The following EXD3 variants were observed in gnomAD, a reference collection of about 807,000 sequenced individuals.
EXD3 encodes exonuclease mut-7 homolog.
EXD3 carries 92 observed loss-of-function variants against 98.0 expected under a neutral mutation model. The ratio of observed to expected loss-of-function variants is 0.94; its 90% CI spans 0.79 to 1.12. EXD3 has a LOEUF of 1.12. Ranked by LOEUF, EXD3 falls within the 50% of genes most tolerant of loss-of-function variation. The pLI is 0.00. For missense variants in EXD3, 1,222 were observed against 1,191.6 expected, an observed-to-expected ratio of 1.03 and a Z score of -0.38; for synonymous variants, 569 against 526.0, an observed-to-expected ratio of 1.08 and a Z score of -1.12.
In EXD3 at chr9:137,338,326, T is replaced by C. The variant is rs1833469940; in HGVS notation, c.1998+9745A>G. 2.0e-5 allele frequency among the ~76,000 whole-genome samples: 3 copies of C among 152,296 alleles called. No individual in the cohort carries two copies. In the South Asian group the frequency reaches 6.2e-4, roughly 32 times the overall value. Reference sequence around the variant, plus strand: ...AGCAATCATAATTGATATTCAAACGTTGTTAGAACTAAAAACAATGAAAAC... The same window carrying C: ...AGCAATCATAATTGATATTCAAACGCTGTTAGAACTAAAAACAATGAAAAC... On this transcript the variant is annotated intron_variant, in intron 17 of 21. Coordinates refer to ENST00000340951, the MANE Select transcript of EXD3 (RefSeq NM_017820.5).
At chr9:137,397,574 G>A (rs932478324) in intron 1 of EXD3, among the ~76,000 whole-genome samples, 1 of 152,122 alleles carries the variant, frequency 6.6e-6, no homozygotes, top group East Asian at 1.9e-4. Flanking sequence ...AAAAAACAGA[G>A]AACAGAAAGC....
At chr9:137,355,850 T>C (rs1282574477) in intron 8 of EXD3, among the ~76,000 whole-genome samples, 1 of 152,154 alleles carries the variant, frequency 6.6e-6, no homozygotes, top group Admixed American at 6.6e-5. Context: ...TCCCGGCCCT[T>C]GCAGGGGGTC....
intron 1 of EXD3, among the ~76,000 whole-genome samples, chr9:137,416,910 C>CG (rs1838256851): frequency 6.6e-6 from 1 of 152,192 alleles, no homozygotes; most frequent in East Asian, 1.9e-4. Flanking sequence ...GATGACGGTG[C>CG]GGCCGTCAGG....
chr9:137,366,214 G>A, intron 7 of EXD3: 1 of 702,822 alleles, frequency 1.4e-6, no homozygotes, highest in Non-Finnish European at 2.6e-6. Context: ...CGGTTGCCAT[G>A]CCTGCATGAG....
At chr9:137,352,243 C>G in intron 11 of EXD3, 42 bp from the exon 12 acceptor site, 1 of 1,610,378 alleles carries the variant, frequency 6.2e-7, no homozygotes, top group South Asian at 1.1e-5. Flanking sequence ...GTCCCTGGTC[C>G]CCCACCCACT....
intron 19 of EXD3, among the ~76,000 whole-genome samples, chr9:137,318,815 C>G (rs1831858777): frequency 6.6e-6 from 1 of 152,206 alleles, no homozygotes; most frequent in Admixed American, 6.5e-5. Flanking sequence ...CGCCTGGGGT[C>G]TCTGCTGAGT....
At chr9:137,408,035 C>G (rs1003958554) in intron 1 of EXD3, among the ~76,000 whole-genome samples, 8 of 152,156 alleles carry the variant, frequency 5.3e-5, no homozygotes, top group Non-Finnish European at 1.0e-4. Context: ...CTGTGGTCTC[C>G]CAGCCTCAGG....
intron 17 of EXD3, among the ~76,000 whole-genome samples, chr9:137,328,680 G>C: frequency 1.5e-5 from 1 of 64,776 alleles, no homozygotes; most frequent in Non-Finnish European, 2.8e-5. Flanking sequence ...GACTACACGG[G>C]GCTACACGGG....
At chr9:137,309,553 A>C in intron 20 of EXD3, 54 bp downstream of exon 20, 2 of 1,416,226 alleles carry the variant, frequency 1.4e-6, no homozygotes, top group Non-Finnish European at 1.9e-6. Flanking sequence ...CTACCTCAGT[A>C]GGTCGACCCA....
chr9:137,350,982 A>G (rs1276986539), intron 14 of EXD3, 56 bp downstream of exon 14: 2 of 1,471,114 alleles, frequency 1.4e-6, no homozygotes, highest in African/African-American at 1.4e-5. Flanking sequence ...GGCCCCAAGC[A>G]GCCCTCGAAC....
At chr9:137,352,315 G>A in intron 11 of EXD3, 114 bp from the exon 12 acceptor site, 2 of 1,429,592 alleles carry the variant, frequency 1.4e-6, no homozygotes, top group Non-Finnish European at 9.6e-7. Flanking sequence ...TCAGGTCCTG[G>A]CTCCTCCTCC....
chr9:137,362,534 C>T (rs1212722984), intron 7 of EXD3, among the ~76,000 whole-genome samples: 3 of 150,370 alleles, frequency 2.0e-5, no homozygotes, highest in East Asian at 3.9e-4. Flanking sequence ...TAGAGTCTCA[C>T]TCTGTCCCCG....
chr9:137,308,600 C>T (rs1380435573), intron 20 of EXD3, among the ~76,000 whole-genome samples: 2 of 151,530 alleles, frequency 1.3e-5, no homozygotes, highest in African/African-American at 4.9e-5. Context: ...GTGATGGTCG[C>T]TCCCCGTCCT....
At chr9:137,383,586 T>C (rs1422919834) in intron 2 of EXD3, among the ~76,000 whole-genome samples, 1 of 152,196 alleles carries the variant, frequency 6.6e-6, no homozygotes, top group African/African-American at 2.4e-5. Context: ...CTGTGGCCCG[T>C]GGCCGCCCAT....
intron 3 of EXD3, among the ~76,000 whole-genome samples, chr9:137,382,656 T>A (rs1207226334): frequency 1.3e-5 from 2 of 151,670 alleles, no homozygotes; most frequent in Non-Finnish European, 2.9e-5. Flanking sequence ...TCAGAGGGCA[T>A]CCCCCGGGCC....
chr9:137,387,062 C>CGTG (rs1252598846), intron 2 of EXD3, among the ~76,000 whole-genome samples: 1 of 149,890 alleles, frequency 6.7e-6, no homozygotes, highest in Non-Finnish European at 1.5e-5. Context: ...ACCCCTGCTC[C>CGTG]GTGCTTGGCC....
chr9:137,330,748 CTCTT>C (rs1345610148), intron 17 of EXD3, among the ~76,000 whole-genome samples: 1 of 152,164 alleles, frequency 6.6e-6, no homozygotes, highest in Non-Finnish European at 1.5e-5. Context: ...CGGCAACACT[CTCTT>C]TCAAGAAAGA....
chr9:137,371,388 C>T lies in EXD3; in HGVS notation c.462+1517G>A, dbSNP rs1035099508. 7.9e-5 allele frequency among the ~76,000 whole-genome samples: 12 copies of T among 152,146 alleles called. No homozygotes were observed. Among genetic ancestry groups the T allele is most frequent in the East Asian group, 3.9e-4 (2 of 5,150 alleles). Reference sequence around the variant, plus strand: ...GACAGCGCCAGGGGTGGGGCCCGCGCGGCCCACACAGGGGACACTCCTGTG... The same window carrying T: ...GACAGCGCCAGGGGTGGGGCCCGCGTGGCCCACACAGGGGACACTCCTGTG... On this transcript the variant is annotated intron_variant, in intron 5 of 21. Coordinates refer to ENST00000340951, the MANE Select transcript of EXD3 (RefSeq NM_017820.5). The surrounding 1 kb of genome is among the most constrained non-coding windows in gnomAD (Gnocchi z 8.0).
intron 1 of EXD3, among the ~76,000 whole-genome samples, chr9:137,414,010 G>A (rs531712274): frequency 3.4e-5 from 5 of 148,164 alleles, no homozygotes; most frequent in East Asian, 2.1e-4. Flanking sequence ...TCTGCCTCCC[G>A]GGTTTACGCC....
Sources: allele counts gnomAD v4.1 joint callset (sites outside exome capture counted in the v4.1 genomes callset), GRCh38; gene constraint gnomAD v4.1.1; non-coding constraint Gnocchi (gnomAD v3.1); transcripts MANE v1.5; gene names NCBI Gene and HGNC (gene_info 2026-07-23, HGNC 2026-07-21).